NLGN4Y: variants seen among roughly 807,000 people sequenced by gnomAD.
NLGN4Y encodes neuroligin-4, Y-linked.
Under a neutral mutation model 8.4 loss-of-function variants are expected in NLGN4Y, and 4 were observed. The observed-to-expected ratio is 0.48, with a 90% CI of 0.23 to 1.09. NLGN4Y has a LOEUF of 1.09. Among genes scored for constraint, NLGN4Y ranks in the 50% least tolerant of loss-of-function variants. The pLI, the probability that NLGN4Y is intolerant of heterozygous loss-of-function variation, is 0.19. For synonymous variants in NLGN4Y, 35 were observed against 75.6 expected (o/e 0.46, Z 2.78); for missense variants, 90 against 192.3 (o/e 0.47, Z 3.15).
intron 2 of NLGN4Y, among the ~76,000 whole-genome samples, chrY:14,702,535 C>A: frequency 3.0e-5 from 1 of 33,100 alleles, no homozygotes; most frequent in African/African-American, 1.2e-4. Flanking sequence ...TGTATATGTG[C>A]CACATTTTCT....
chrY:14,805,036 A>T (rs897598362), intron 4 of NLGN4Y, among the ~76,000 whole-genome samples: 1 of 33,203 alleles, frequency 3.0e-5, no homozygotes, highest in Admixed American at 2.8e-4. Context: ...AATGTGTGGT[A>T]GGAGTGGGGA....
At chrY:14,671,620 G>A (rs1603502347) in intron 2 of NLGN4Y, among the ~76,000 whole-genome samples, 4 of 31,841 alleles carry the variant, frequency 1.3e-4, no homozygotes, top group Admixed American at 5.8e-4. Flanking sequence ...GCCAAGGTGC[G>A]TGGATCACTT....
chrY:14,765,735 A>G, intron 4 of NLGN4Y, among the ~76,000 whole-genome samples: 2 of 33,741 alleles, frequency 5.9e-5, no homozygotes, highest in Non-Finnish European at 7.4e-5. Context: ...TGTAAAAAAT[A>G]TGTTCAAAGT....
chrY:14,585,409 T>C, intron 1 of NLGN4Y, among the ~76,000 whole-genome samples: 1 of 32,795 alleles, frequency 3.0e-5, no homozygotes, highest in African/African-American at 1.2e-4. Flanking sequence ...ACGTCTGCAT[T>C]GAGGATTGTG....
chrY:14,607,276 A>C (rs977509707), intron 1 of NLGN4Y, among the ~76,000 whole-genome samples: 17 of 32,939 alleles, frequency 5.2e-4, no homozygotes, highest in Non-Finnish European at 1.2e-3. Context: ...ATAGGTATAC[A>C]TGTACCGTGG....
At position 14,845,433 on chromosome Y, in the gene NLGN4Y, C is replaced by A; in HGVS notation, c.*4171C>A. 3.0e-5 allele frequency: 1 copy of A among 33,001 alleles called. No homozygotes were observed. The highest frequency in any genetic ancestry group is 7.5e-5 in the Non-Finnish European group (1 of 13,408). The allele number at this position is 33,001 out of a possible 400,897, so 8.2% of individuals were successfully genotyped here. A position where few individuals can be genotyped will look rare whatever the true frequency, so the allele number is the denominator to read the frequency against. On this transcript the variant is annotated 3_prime_UTR_variant, in exon 7 of 7. Coordinates refer to ENST00000684976, the MANE Select transcript of NLGN4Y (RefSeq NM_001365588.1). ...TGTGTATTACATTACTGCTTTTTAT[C>A]TGTGAAATCACATTCTGCAGTTTCA...
At chrY:14,702,920 G>A in intron 2 of NLGN4Y, among the ~76,000 whole-genome samples, 4 of 33,764 alleles carry the variant, frequency 1.2e-4, no homozygotes, top group Admixed American at 8.1e-4. Flanking sequence ...TATTGATGAT[G>A]AGCATTTTTT....
chrY:14,692,528 G>A, intron 2 of NLGN4Y, among the ~76,000 whole-genome samples: 1 of 32,788 alleles, frequency 3.0e-5, no homozygotes, highest in Non-Finnish European at 7.5e-5. Flanking sequence ...TCATGATGAG[G>A]TACAGGAACC....
At chrY:14,603,696 G>T in intron 1 of NLGN4Y, among the ~76,000 whole-genome samples, 1 of 32,906 alleles carries the variant, frequency 3.0e-5, no homozygotes, top group Non-Finnish European at 7.4e-5. Flanking sequence ...TGACCTTGAG[G>T]ATATATATGA....
intron 4 of NLGN4Y, among the ~76,000 whole-genome samples, chrY:14,741,141 A>G: frequency 2.9e-5 from 1 of 34,080 alleles, no homozygotes; most frequent in Non-Finnish European, 7.3e-5. Flanking sequence ...ACAGCTTTTA[A>G]GTTTATTAGA....
intron 1 of NLGN4Y, among the ~76,000 whole-genome samples, chrY:14,592,840 G>C: frequency 3.0e-5 from 1 of 33,196 alleles, no homozygotes. Context: ...TGTGAGAAAA[G>C]GTCGCCCATA....
At chrY:14,769,989 C>G (rs2081102850) in intron 4 of NLGN4Y, among the ~76,000 whole-genome samples, 1 of 33,443 alleles carries the variant, frequency 3.0e-5, no homozygotes, top group African/African-American at 1.2e-4. Flanking sequence ...TGTAGCCAGA[C>G]TGCCTCTCTA....
chrY:14,547,542 G>A (rs969436006), intron 1 of NLGN4Y, among the ~76,000 whole-genome samples: 47 of 33,753 alleles, frequency 1.4e-3, no homozygotes, highest in African/African-American at 5.4e-3. Flanking sequence ...AAGGACAAAG[G>A]AGAAACTGTG....
intron 2 of NLGN4Y, among the ~76,000 whole-genome samples, chrY:14,702,861 G>A: frequency 3.0e-5 from 1 of 33,186 alleles, no homozygotes; most frequent in Non-Finnish European, 7.4e-5. Context: ...ATTCTAACTG[G>A]TGTGAGATGG....
intron 1 of NLGN4Y, among the ~76,000 whole-genome samples, chrY:14,552,454 A>G (rs2080196429): frequency 3.0e-5 from 1 of 33,873 alleles, no homozygotes; most frequent in African/African-American, 1.2e-4. Context: ...TGATACCACA[A>G]CCTGGCAGAG....
chrY:14,715,053 T>G, intron 2 of NLGN4Y, among the ~76,000 whole-genome samples: 1 of 33,785 alleles, frequency 3.0e-5, no homozygotes. Context: ...ATTACAGAAA[T>G]GCAAATCAAA....
intron 1 of NLGN4Y, among the ~76,000 whole-genome samples, chrY:14,619,474 G>T: frequency 2.9e-5 from 1 of 33,975 alleles, no homozygotes; most frequent in Non-Finnish European, 7.3e-5. Context: ...TGAGCTAATA[G>T]CACCTTGTGT....
At chrY:14,578,701 A>T in intron 1 of NLGN4Y, among the ~76,000 whole-genome samples, 1 of 33,015 alleles carries the variant, frequency 3.0e-5, no homozygotes, top group Non-Finnish European at 7.4e-5. Context: ...ATCATTCTAG[A>T]GAACTCTGCC....
intron 2 of NLGN4Y, among the ~76,000 whole-genome samples, chrY:14,689,628 G>C: frequency 3.1e-5 from 1 of 32,725 alleles, no homozygotes; most frequent in Admixed American, 2.8e-4. Flanking sequence ...TGGGTTGGTG[G>C]TGGTTTGTGT....
Sources: allele counts gnomAD v4.1 joint callset (sites outside exome capture counted in the v4.1 genomes callset), GRCh38; gene constraint gnomAD v4.1.1; transcripts MANE v1.5; gene names NCBI Gene and HGNC (gene_info 2026-07-23, HGNC 2026-07-21).